Variants in CNTN5 observed in about 807,000 individuals in gnomAD.
CNTN5 encodes the protein contactin 5.
A neutral mutation model predicts 129.1 loss-of-function variants in CNTN5; 77 were observed. The observed-to-expected ratio is 0.60, with a 90% CI of 0.50 to 0.72. CNTN5 has a LOEUF of 0.72. CNTN5 is among the 30% of genes least tolerant of loss of function. CNTN5 has a pLI of 0.00. For missense variants in CNTN5, 1,478 were observed against 1,328.8 expected (o/e 1.11, Z -1.75); for synonymous variants, 509 against 465.6 (o/e 1.09, Z -1.20).
At chr11:100,297,121 G>A (rs1200879283) in intron 18 of CNTN5, among the ~76,000 whole-genome samples, 2 of 151,418 alleles carry the variant, frequency 1.3e-5, no homozygotes, top group Admixed American at 1.3e-4. Context: ...TTTTTAAAAT[G>A]TTTATTCATT....
At chr11:99,883,369 C>A (rs1442200967) in intron 6 of CNTN5, among the ~76,000 whole-genome samples, 1 of 152,148 alleles carries the variant, frequency 6.6e-6, no homozygotes, top group Non-Finnish European at 1.5e-5. Context: ...CCTATCCTTG[C>A]CGGCATTCGT....
chr11:99,101,747 C>A (rs1866743866), intron 1 of CNTN5, among the ~76,000 whole-genome samples: 1 of 152,152 alleles, frequency 6.6e-6, no homozygotes, highest in African/African-American at 2.4e-5. Context: ...AGCCTGCCTC[C>A]CAACCCCTTT....
At chr11:100,121,105 C>T (rs953696912) in intron 13 of CNTN5, among the ~76,000 whole-genome samples, 1 of 151,902 alleles carries the variant, frequency 6.6e-6, no homozygotes, top group African/African-American at 2.4e-5. Context: ...GAAGACCCAA[C>T]TCACTCAATG....
chr11:99,098,941 C>T (rs1376631670), intron 1 of CNTN5, among the ~76,000 whole-genome samples: 2 of 152,052 alleles, frequency 1.3e-5, no homozygotes, highest in East Asian at 1.9e-4. Context: ...AAAGTAGAAA[C>T]TGAACATCAT....
chr11:100,126,250 A>G (rs1214377412), intron 13 of CNTN5, among the ~76,000 whole-genome samples: 1 of 152,112 alleles, frequency 6.6e-6, no homozygotes, highest in African/African-American at 2.4e-5. Context: ...CGTGCAGATG[A>G]AAAGAATTTA....
At chr11:99,462,818 C>T (rs896236869) in intron 2 of CNTN5, among the ~76,000 whole-genome samples, 16 of 152,264 alleles carry the variant, frequency 1.1e-4, no homozygotes, top group Non-Finnish European at 2.2e-4. Flanking sequence ...GGCACGACGG[C>T]TCATGCCTGT....
At chr11:100,013,746 GTTATCTC>G (rs1388392123) in intron 9 of CNTN5, among the ~76,000 whole-genome samples, 2 of 152,242 alleles carry the variant, frequency 1.3e-5, no homozygotes, top group African/African-American at 4.8e-5. Flanking sequence ...TTCCCTAACA[GTTATCTC>G]TTCTAATGGT....
chr11:99,437,242 C>T (rs190321871), intron 2 of CNTN5, among the ~76,000 whole-genome samples: 8 of 152,230 alleles, frequency 5.3e-5, no homozygotes, highest in Admixed American at 2.0e-4. Flanking sequence ...TATAAAAATA[C>T]CTGATGTTAT....
At chr11:100,238,857 G>A (rs1949680011) in intron 16 of CNTN5, among the ~76,000 whole-genome samples, 1 of 152,156 alleles carries the variant, frequency 6.6e-6, no homozygotes, top group African/African-American at 2.4e-5. Context: ...ATAATATTCT[G>A]ATTGTTGTGT....
chr11:99,798,846 G>T (rs1946029075), intron 3 of CNTN5, among the ~76,000 whole-genome samples: 1 of 152,096 alleles, frequency 6.6e-6, no homozygotes, highest in Non-Finnish European at 1.5e-5. Flanking sequence ...TTTGCAGCTT[G>T]CTCTGGGCAG....
rs143304792 is a variant in CNTN5 at position 100,078,903 on chromosome 11, A to G, written c.1580+4609A>G. 2.0e-5 allele frequency among the ~76,000 whole-genome samples: 3 copies of G among 152,084 alleles called. No homozygotes were observed. The East Asian group carries it at 5.8e-4, about 29-fold the overall frequency. ...AGTACTGCCCAAGACTGGGTAATTT[A>G]TAAAGGAAAGAGGTTTGATTGACTC... On this transcript the variant is annotated intron_variant, in intron 13 of 24. Coordinates refer to ENST00000524871, the MANE Select transcript of CNTN5 (RefSeq NM_014361.4).
In CNTN5 at chr11:99,190,398, A is replaced by G. The variant is rs1234624194; in HGVS notation, c.-209-134948A>G. Among the ~76,000 whole-genome samples the G allele has an allele frequency of 2.6e-5, 4 of 151,668 alleles. No individual in the cohort carries two copies. The South Asian group carries it at 6.2e-4, about 24-fold the overall frequency. ...TCTATTTAGGGTCTTTTGTAGTTCT[A>G]TACAAACTGTAAGATTTTTTTCTAT... On this transcript the variant is annotated intron_variant, in intron 1 of 24. Coordinates refer to ENST00000524871, the MANE Select transcript of CNTN5 (RefSeq NM_014361.4).
chr11:99,433,405 TTGTGTG>T (rs3990851), intron 2 of CNTN5, among the ~76,000 whole-genome samples: 11 of 148,192 alleles, frequency 7.4e-5, no homozygotes, highest in African/African-American at 2.5e-4. Flanking sequence ...GTGTGTGTCT[TTGTGTG>T]TGTGTGTGTG....
At chr11:100,085,234 A>C (rs960651564) in intron 13 of CNTN5, among the ~76,000 whole-genome samples, 39 of 152,188 alleles carry the variant, frequency 2.6e-4, no homozygotes, top group African/African-American at 9.4e-4. Flanking sequence ...GAGGAGATCC[A>C]GGATGAATTG....
rs776989902 is a variant in CNTN5, at chr11:100,224,804, T to C, written c.1997T>C (p.Leu666Pro). The change falls in exon 16 of 25, where the codon CTT (leucine) becomes CCT (proline). Residue 666 changes from leucine (L) to proline (P), a missense_variant. By Grantham distance (98) the Leu-to-Pro change is moderately conservative (BLOSUM62 -3). Transcript: ENST00000524871. ...ADSVSDEAEL[L>P]VRGPPGPPGI... ...AGTGTGTCAGATGAGGCAGAACTTC[T>C]TGTTAGGGGTGAGTATGCTAATAGT... 2.5e-6 allele frequency: 4 copies of C among 1,613,078 alleles called. No homozygotes were observed. The highest frequency in any genetic ancestry group is 3.4e-6 in the Non-Finnish European group (4 of 1,179,182).
At chr11:99,817,630 A>G (rs1442962652) in intron 3 of CNTN5, among the ~76,000 whole-genome samples, 1 of 124,430 alleles carries the variant, frequency 8.0e-6, no homozygotes, top group African/African-American at 3.1e-5. Context: ...TCCTTTATAA[A>G]TGAGCAGGGC....
At chr11:99,219,313 G>C (rs550564072) in intron 1 of CNTN5, among the ~76,000 whole-genome samples, 1 of 151,970 alleles carries the variant, frequency 6.6e-6, no homozygotes, top group South Asian at 2.1e-4. Context: ...AAAAGTAAGA[G>C]AAAAAGTAAA....
At chr11:99,904,028 G>A (rs1231298100) in intron 6 of CNTN5, among the ~76,000 whole-genome samples, 1 of 152,114 alleles carries the variant, frequency 6.6e-6, no homozygotes, top group East Asian at 1.9e-4. Flanking sequence ...TGGTGAGGAT[G>A]TAGAGAAAGG....
chr11:99,403,051 G>A (rs11219771), intron 2 of CNTN5, among the ~76,000 whole-genome samples: 112,050 of 148,474 alleles, frequency 0.75, 42,844 homozygotes, highest in African/African-American at 0.9. Flanking sequence ...CTGTCACCCA[G>A]GCTGGAGTGC....
Sources: allele counts gnomAD v4.1 joint callset (sites outside exome capture counted in the v4.1 genomes callset), GRCh38; gene constraint gnomAD v4.1.1; transcripts MANE v1.5; gene names NCBI Gene and HGNC (gene_info 2026-07-23, HGNC 2026-07-21).